The following LRRTM4 variants were observed in gnomAD, a reference collection of about 807,000 sequenced individuals.
LRRTM4 encodes the protein leucine-rich repeat transmembrane neuronal protein 4.
Under a neutral mutation model 47.6 loss-of-function variants are expected in LRRTM4, and 25 were observed. That is an observed-to-expected ratio of 0.53 (90% CI 0.38 to 0.73). The LOEUF is 0.73. Among genes scored for constraint, LRRTM4 ranks in the 30% least tolerant of loss-of-function variants. The pLI is 0.00. For missense variants in LRRTM4, 638 were observed against 713.4 expected, an observed-to-expected ratio of 0.89 and a Z score of 1.20; for synonymous variants, 311 against 269.5, an observed-to-expected ratio of 1.15 and a Z score of -1.51.
chr2:77,460,792 A>T (rs1676758194), intron 3 of LRRTM4, among the ~76,000 whole-genome samples: 2 of 149,662 alleles, frequency 1.3e-5, no homozygotes, highest in African/African-American at 4.9e-5. Context: ...GTAAGGACAG[A>T]TATAAAAGCC....
chr2:77,214,599 A>G (rs142528294), intron 3 of LRRTM4, among the ~76,000 whole-genome samples: 241 of 152,260 alleles, frequency 1.6e-3, no homozygotes, highest in African/African-American at 5.5e-3. Flanking sequence ...TATTGAGTTC[A>G]TAGTTTTTCA....
At chr2:76,937,609 C>A (rs1675001213) in intron 3 of LRRTM4, among the ~76,000 whole-genome samples, 1 of 152,206 alleles carries the variant, frequency 6.6e-6, no homozygotes, top group African/African-American at 2.4e-5. Flanking sequence ...TGCTCTGTCA[C>A]CCAGGCTGGA....
chr2:77,468,550 G>T (rs906498793), intron 3 of LRRTM4, among the ~76,000 whole-genome samples: 4 of 152,190 alleles, frequency 2.6e-5, no homozygotes, highest in Non-Finnish European at 4.4e-5. Context: ...TCCCCATTGT[G>T]CTTTGAAGCT....
chr2:76,783,492 C>T (rs140282885), intron 3 of LRRTM4, among the ~76,000 whole-genome samples: 111 of 152,202 alleles, frequency 7.3e-4, no homozygotes, highest in African/African-American at 1.3e-3. Flanking sequence ...ACCTCCAGAA[C>T]TCTTCATCTC....
intron 2 of LRRTM4, 104 bp downstream of exon 2, chr2:77,521,564 C>T: frequency 7.5e-7 from 1 of 1,327,000 alleles, no homozygotes; most frequent in Non-Finnish European, 1.1e-6. Flanking sequence ...AAGGCTGCTG[C>T]TCTTTGCCTG....
intron 3 of LRRTM4, among the ~76,000 whole-genome samples, chr2:77,513,438 G>A (rs1414994427): frequency 6.6e-6 from 1 of 152,114 alleles, no homozygotes; most frequent in African/African-American, 2.4e-5. Context: ...GCGTCACAGA[G>A]AAACGAAGTG....
At chr2:76,768,143 T>A (rs1395491965) in intron 3 of LRRTM4, among the ~76,000 whole-genome samples, 1 of 152,204 alleles carries the variant, frequency 6.6e-6, no homozygotes, top group African/African-American at 2.4e-5. Flanking sequence ...GACAAAGTGA[T>A]ATAATTTATG....
At chr2:77,201,819 A>T (rs1673983193) in intron 3 of LRRTM4, among the ~76,000 whole-genome samples, 1 of 152,158 alleles carries the variant, frequency 6.6e-6, no homozygotes, top group South Asian at 2.1e-4. Context: ...AACCTCCTTC[A>T]ATTTGTAGAG....
At chr2:76,974,667 T>A (rs904842925) in intron 3 of LRRTM4, among the ~76,000 whole-genome samples, 2 of 151,678 alleles carry the variant, frequency 1.3e-5, no homozygotes, top group Non-Finnish European at 3.0e-5. Flanking sequence ...TTCAGTAAGT[T>A]GTGCTAGAAC....
At chr2:77,354,183 G>A (rs1257839959) in intron 3 of LRRTM4, among the ~76,000 whole-genome samples, 1 of 152,096 alleles carries the variant, frequency 6.6e-6, no homozygotes, top group African/African-American at 2.4e-5. Flanking sequence ...ATGTCTTAAG[G>A]AGAGATGCTT....
intron 3 of LRRTM4, among the ~76,000 whole-genome samples, chr2:77,260,880 T>C (rs1362282087): frequency 6.6e-6 from 1 of 152,082 alleles, no homozygotes; most frequent in East Asian, 1.9e-4. Context: ...AATTTTAGAG[T>C]AATGATTCCA....
At chr2:77,089,377 AT>A (rs1384082072) in intron 3 of LRRTM4, among the ~76,000 whole-genome samples, 1 of 151,022 alleles carries the variant, frequency 6.6e-6, no homozygotes, top group Non-Finnish European at 1.5e-5. Context: ...CCAATCCCTT[AT>A]TTCCACGCCC....
chr2:76,763,784 A>C (rs762943651), intron 3 of LRRTM4, among the ~76,000 whole-genome samples: 1 of 152,206 alleles, frequency 6.6e-6, no homozygotes, highest in Non-Finnish European at 1.5e-5. Flanking sequence ...AAGAAGTTAA[A>C]GTTAATTCTG....
intron 3 of LRRTM4, among the ~76,000 whole-genome samples, chr2:76,767,908 A>T (rs1312743798): frequency 6.6e-6 from 1 of 152,214 alleles, no homozygotes; most frequent in African/African-American, 2.4e-5. Context: ...GAAAGAATCT[A>T]TAAAATATTA....
chr2:77,064,130 G>T (rs1679880109), intron 3 of LRRTM4, among the ~76,000 whole-genome samples: 1 of 151,830 alleles, frequency 6.6e-6, no homozygotes, highest in South Asian at 2.1e-4. Flanking sequence ...AAATTTATTG[G>T]GGGTAAAAGT....
intron 3 of LRRTM4, among the ~76,000 whole-genome samples, chr2:76,903,454 T>G (rs1483891136): frequency 6.6e-6 from 1 of 152,078 alleles, no homozygotes; most frequent in African/African-American, 2.4e-5. Context: ...GAGAAAGGCA[T>G]GAACTTGGGA....
intron 3 of LRRTM4, among the ~76,000 whole-genome samples, chr2:77,019,283 A>G (rs1678184766): frequency 6.6e-6 from 1 of 150,844 alleles, no homozygotes; most frequent in African/African-American, 2.4e-5. Flanking sequence ...AAAATATAAG[A>G]AGAAGACAGA....
chr2:77,000,084 G>C (rs1405767171), intron 3 of LRRTM4, among the ~76,000 whole-genome samples: 1 of 152,126 alleles, frequency 6.6e-6, no homozygotes, highest in Non-Finnish European at 1.5e-5. Flanking sequence ...TGGTTTCTTA[G>C]CTTCACTGGA....
intron 3 of LRRTM4, among the ~76,000 whole-genome samples, chr2:77,020,002 T>C (rs1463240542): frequency 2.0e-5 from 3 of 152,056 alleles, no homozygotes; most frequent in Non-Finnish European, 4.4e-5. Context: ...AGCAAAATAG[T>C]TGGAAAATTT....
Sources: allele counts gnomAD v4.1 joint callset (sites outside exome capture counted in the v4.1 genomes callset), GRCh38; gene constraint gnomAD v4.1.1; transcripts MANE v1.5; gene names NCBI Gene and HGNC (gene_info 2026-07-23, HGNC 2026-07-21).